The following ERC1 variants were observed in gnomAD, a reference collection of about 807,000 sequenced individuals.
The protein encoded by ERC1 is ELKS/RAB6-interacting/CAST family member 1.
A neutral mutation model predicts 132.0 loss-of-function variants in ERC1; 56 were observed. That is an observed-to-expected ratio of 0.42 (90% confidence interval 0.34 to 0.53). The LOEUF is 0.53. Among genes scored for constraint, ERC1 ranks in the 20% least tolerant of loss-of-function variants. The pLI is 0.03. For synonymous variants in ERC1, 478 were observed against 476.1 expected (o/e 1.00, Z -0.05); for missense variants, 1,202 against 1,349.9 (o/e 0.89, Z 1.72).
At chr12:1,439,829 T>C (rs911904888) in intron 17 of ERC1, among the ~76,000 whole-genome samples, 3 of 152,208 alleles carry the variant, frequency 2.0e-5, no homozygotes, top group Non-Finnish European at 4.4e-5. Flanking sequence ...CTCTTGAGAT[T>C]AGGCAGTGGC....
intron 18 of ERC1, among the ~76,000 whole-genome samples, chr12:1,476,715 C>CTGG (rs2093981397): frequency 6.6e-6 from 1 of 152,070 alleles, no homozygotes; most frequent in South Asian, 2.1e-4. Context: ...CTAGAATGGT[C>CTGG]TGGTTACTTG....
chr12:1,111,375 C>T (rs956951747), intron 5 of ERC1, among the ~76,000 whole-genome samples: 8 of 151,950 alleles, frequency 5.3e-5, no homozygotes, highest in African/African-American at 1.9e-4. Context: ...AAGTGTTTTC[C>T]CCCTTTATTT....
intron 14 of ERC1, among the ~76,000 whole-genome samples, chr12:1,269,554 C>T (rs542459286): frequency 6.6e-6 from 1 of 152,266 alleles, no homozygotes; most frequent in East Asian, 1.9e-4. Flanking sequence ...GAGGGCGTGA[C>T]ATCATCTGAT....
intron 17 of ERC1, chr12:1,443,999 A>T (rs1244727630): frequency 6.6e-6 from 1 of 152,354 alleles, no homozygotes; most frequent in Non-Finnish European, 1.5e-5. Flanking sequence ...GAAATAAATG[A>T]GAAGAGCATA....
intron 15 of ERC1, among the ~76,000 whole-genome samples, chr12:1,362,434 GTCTCTCTCTCTCTGTCTC>G (rs992289511): frequency 2.0e-5 from 3 of 150,906 alleles, no homozygotes; most frequent in African/African-American, 7.3e-5. Context: ...TCAGAGCTCT[GTCTCTCTCTCTCTGTCTC>G]TCTCTCTCTC....
intron 1 of ERC1, among the ~76,000 whole-genome samples, chr12:993,750 G>T (rs900208189): frequency 6.6e-6 from 1 of 151,892 alleles, no homozygotes; most frequent in African/African-American, 2.4e-5. Context: ...AAAAATATAA[G>T]AATTAGCTGG....
intron 3 of ERC1, among the ~76,000 whole-genome samples, chr12:1,095,002 C>T (rs1943830148): frequency 6.6e-6 from 1 of 151,984 alleles, no homozygotes; most frequent in Non-Finnish European, 1.5e-5. Flanking sequence ...GTGCTGAGGG[C>T]TAAGACTTGA....
intron 10 of ERC1, among the ~76,000 whole-genome samples, chr12:1,182,749 A>G (rs1475971404): frequency 2.0e-5 from 3 of 150,968 alleles, no homozygotes; most frequent in Non-Finnish European, 4.4e-5. Flanking sequence ...GCAGTCTTGA[A>G]CTCCTGGGCC....
At chr12:1,150,920 A>C (rs1950776892) in intron 8 of ERC1, among the ~76,000 whole-genome samples, 1 of 152,232 alleles carries the variant, frequency 6.6e-6, no homozygotes. Context: ...AACTAAGGAA[A>C]TGCGAATAAA....
At chr12:1,049,184 C>T (rs1971520685) in intron 2 of ERC1, among the ~76,000 whole-genome samples, 1 of 152,152 alleles carries the variant, frequency 6.6e-6, no homozygotes, top group Admixed American at 6.5e-5. Flanking sequence ...AATATTTGCG[C>T]ATTACCGTCA....
intron 12 of ERC1, among the ~76,000 whole-genome samples, chr12:1,220,189 A>G (rs1230400009): frequency 1.3e-5 from 2 of 152,118 alleles, no homozygotes; most frequent in Non-Finnish European, 2.9e-5. Context: ...TGTCACATCC[A>G]GTGTCTCCAT....
chr12:1,285,174 G>C (rs1235956627), intron 14 of ERC1, among the ~76,000 whole-genome samples: 1 of 152,172 alleles, frequency 6.6e-6, no homozygotes, highest in Non-Finnish European at 1.5e-5. Flanking sequence ...ATTGAAGATA[G>C]TCAATAAAAT....
rs541317557 is a variant in ERC1 at position 1,293,321 on chromosome 12, C to T, written c.2780+3309C>T. On this transcript the variant is annotated intron_variant, in intron 15 of 18. Coordinates refer to ENST00000360905, the MANE Select transcript of ERC1 (RefSeq NM_178040.4). ...ACAAAACATTAGCCAGGCGTGGTGG[C>T]GGGCGCCTGTAGTCCCAGCTACTCG... Among the ~76,000 whole-genome samples, 16 of 149,124 alleles carry T rather than the reference C, an allele frequency of 1.1e-4. No individual in the cohort carries two copies. In the East Asian group the frequency reaches 2.2e-3, roughly 20 times the overall value.
At chr12:1,422,565 G>A (rs1251122516) in intron 17 of ERC1, among the ~76,000 whole-genome samples, 1 of 151,572 alleles carries the variant, frequency 6.6e-6, no homozygotes, top group Non-Finnish European at 1.5e-5. Flanking sequence ...GCATTGCATT[G>A]TATAGATATT....
intron 1 of ERC1, among the ~76,000 whole-genome samples, chr12:1,004,714 AT>A (rs1237050140): frequency 6.6e-6 from 1 of 151,786 alleles, no homozygotes; most frequent in African/African-American, 2.4e-5. Flanking sequence ...TGGTTAACAC[AT>A]TTCTAAGCAT....
intron 7 of ERC1, among the ~76,000 whole-genome samples, chr12:1,131,118 T>C (rs186549737): frequency 6.6e-6 from 1 of 152,330 alleles, no homozygotes; most frequent in Non-Finnish European, 1.5e-5. Context: ...GAAGATGTGG[T>C]TTAAATAAAA....
intron 12 of ERC1, among the ~76,000 whole-genome samples, chr12:1,217,219 A>G (rs765869674): frequency 2.6e-5 from 4 of 152,182 alleles, no homozygotes; most frequent in African/African-American, 4.8e-5. Context: ...GTTTTAAGGC[A>G]GGGTTTTCTT....
intron 18 of ERC1, among the ~76,000 whole-genome samples, chr12:1,451,482 G>A (rs538268505): frequency 3.3e-5 from 5 of 152,148 alleles, no homozygotes; most frequent in African/African-American, 9.6e-5. Context: ...AAATTTAGCT[G>A]GATACAGTGG....
intron 17 of ERC1, among the ~76,000 whole-genome samples, chr12:1,440,322 A>T (rs555381290): frequency 3.5e-5 from 5 of 142,712 alleles, no homozygotes; most frequent in Non-Finnish European, 1.5e-5. Context: ...CTCCTGCCTC[A>T]GCCTCCCGAG....
Sources: gnomAD v4.1 joint callset for allele counts (sites outside exome capture counted in the v4.1 genomes callset) on GRCh38, gnomAD v4.1.1 for gene constraint, MANE v1.5 for transcripts, NCBI Gene and HGNC (gene_info 2026-07-23, HGNC 2026-07-21) for gene names.